Variants in ANKRD44 observed in about 807,000 individuals in gnomAD.
The protein encoded by ANKRD44 is ankyrin repeat domain 44.
ANKRD44 carries 35 observed loss-of-function variants against 116.0 expected under a neutral mutation model. That is an observed-to-expected ratio of 0.30 (90% CI 0.23 to 0.40). The LOEUF (loss-of-function observed/expected upper bound fraction) is 0.40. ANKRD44 is among the 10% of genes least tolerant of loss of function. ANKRD44 has a pLI of 1.00. For synonymous variants in ANKRD44, 435 were observed against 461.8 expected, an observed-to-expected ratio of 0.94 and a Z score of 0.74; for missense variants, 1,014 against 1,242.6, an observed-to-expected ratio of 0.82 and a Z score of 2.77.
intron 2 of ANKRD44, among the ~76,000 whole-genome samples, chr2:197,158,213 A>T (rs1486859517): frequency 6.6e-6 from 1 of 152,194 alleles, no homozygotes; most frequent in African/African-American, 2.4e-5. Context: ...CGACAGCCTA[A>T]AAGCTAATAA....
intron 21 of ANKRD44, among the ~76,000 whole-genome samples, chr2:196,978,334 C>A (rs1352083023): frequency 1.3e-5 from 2 of 152,176 alleles, no homozygotes; most frequent in Non-Finnish European, 2.9e-5. Context: ...TCACCAGAAG[C>A]AGCTGCCAGC....
At chr2:196,981,255 C>T (rs2075799497) in intron 21 of ANKRD44, among the ~76,000 whole-genome samples, 1 of 152,198 alleles carries the variant, frequency 6.6e-6, no homozygotes, top group African/African-American at 2.4e-5. Flanking sequence ...CCATGATCTA[C>T]ATAATCACAT....
chr2:197,257,935 G>A (rs1172211682), intron 1 of ANKRD44, among the ~76,000 whole-genome samples: 2 of 151,816 alleles, frequency 1.3e-5, no homozygotes, highest in Non-Finnish European at 2.9e-5. Flanking sequence ...TCTACTTCCT[G>A]TCTCTCTGAA....
Position 197,007,841 on chromosome 2 carries a change from C to T in ANKRD44, c.2095G>A (p.Val699Ile). The change falls in exon 20 of 28, where the codon GTT becomes ATT. Residue 699 changes from valine (V) to isoleucine (I), a missense_variant. Physicochemically the swap from Val to Ile is conservative, Grantham distance 29. Coordinates refer to ENST00000282272, the MANE Select transcript of ANKRD44 (RefSeq NM_001195144.2). ...LLEKEANVDT[V>I]DILGCTALHR... is the part of the protein sequence containing the mutation. ...AAAGCTGTGCATCCTAGGATGTCAACAGTGTCTACGTTGGCTTCCTTTTCA... is the reference window on the plus strand; with the variant it reads ...AAAGCTGTGCATCCTAGGATGTCAATAGTGTCTACGTTGGCTTCCTTTTCA... The T allele has an allele frequency of 1.2e-6, 2 of 1,613,890 alleles. No individual in the cohort carries two copies. Among genetic ancestry groups the T allele is most frequent in the Non-Finnish European group, 1.7e-6 (2 of 1,179,856 alleles).
chr2:197,291,547 C>A (rs570190567), intron 1 of ANKRD44, among the ~76,000 whole-genome samples: 1 of 151,898 alleles, frequency 6.6e-6, no homozygotes, highest in African/African-American at 2.4e-5. Flanking sequence ...GATAAAAGTG[C>A]GGTAATTTAC....
intron 8 of ANKRD44, among the ~76,000 whole-genome samples, chr2:197,117,771 C>G (rs1045911396): frequency 6.6e-6 from 1 of 152,194 alleles, no homozygotes; most frequent in African/African-American, 2.4e-5. Flanking sequence ...CCTTCAGTCC[C>G]GTTCCCCTGT....
intron 1 of ANKRD44, among the ~76,000 whole-genome samples, chr2:197,290,226 A>C: frequency 6.6e-6 from 1 of 152,186 alleles, no homozygotes; most frequent in East Asian, 1.9e-4. Context: ...AACAGTGTAA[A>C]AGTGTTTCCT....
intron 1 of ANKRD44, among the ~76,000 whole-genome samples, chr2:197,227,324 T>C (rs2081740380): frequency 6.6e-6 from 1 of 152,224 alleles, no homozygotes; most frequent in Non-Finnish European, 1.5e-5. Flanking sequence ...CTTTCAGCAA[T>C]AGCTGGACCG....
At chr2:197,063,012 ACTGCCTCCTCAAGTGGG>A (rs775366539) in intron 16 of ANKRD44, among the ~76,000 whole-genome samples, 3 of 152,208 alleles carry the variant, frequency 2.0e-5, no homozygotes, top group Non-Finnish European at 4.4e-5. Context: ...GAATGGACAG[ACTGCCTCCTCAAGTGGG>A]TCCCTGACCC....
intron 2 of ANKRD44, among the ~76,000 whole-genome samples, chr2:197,166,011 G>C (rs145816613): frequency 1.6e-4 from 25 of 152,272 alleles, no homozygotes; most frequent in African/African-American, 4.1e-4. Flanking sequence ...ACATAACTTT[G>C]TAAGTTCCAA....
At position 197,197,809 on chromosome 2, in the gene ANKRD44, CAAAA is replaced by C. The variant is rs199994103; in HGVS notation, c.28-10707_28-10704del. Among the ~76,000 whole-genome samples, 360 of 114,150 alleles carry C rather than the reference CAAAA, an allele frequency of 3.2e-3. 2 individuals carry two copies. The highest frequency in any genetic ancestry group is 0.012 in the African/African-American group (299 of 25,354). 74.9% of individuals were successfully genotyped at this position (114,150 alleles called of 152,430 possible). ...TGGGTGACAGAGTGAAATCCTGTCTCAAAAAAAAAAAAAAAAAAAAAGAAAGAAA... is the reference window on the plus strand; with the variant it reads ...TGGGTGACAGAGTGAAATCCTGTCTCAAAAAAAAAAAAAAAAAGAAAGAAA... On this transcript the variant is annotated intron_variant, in intron 1 of 27. Transcript: ENST00000282272.
chr2:197,107,019 G>A (rs1318205563), intron 9 of ANKRD44, among the ~76,000 whole-genome samples: 4 of 152,022 alleles, frequency 2.6e-5, no homozygotes, highest in African/African-American at 9.7e-5. Flanking sequence ...TTTGTCATTT[G>A]AAGGTTGCAA....
chr2:197,184,698 T>C (rs1281498037), intron 2 of ANKRD44, among the ~76,000 whole-genome samples: 1 of 151,740 alleles, frequency 6.6e-6, no homozygotes, highest in Non-Finnish European at 1.5e-5. Context: ...CTTTTTCCCT[T>C]TGGGGTGGCA....
At chr2:196,996,346 T>C (rs1278136691) in intron 25 of ANKRD44, among the ~76,000 whole-genome samples, 1 of 152,214 alleles carries the variant, frequency 6.6e-6, no homozygotes, top group African/African-American at 2.4e-5. Flanking sequence ...GTGGTTCCCA[T>C]GGGCTTCCCA....
intron 4 of ANKRD44, chr2:197,135,988 C>A (rs114337214): frequency 0.012 from 1,778 of 153,506 alleles, 12 homozygotes; most frequent in Non-Finnish European, 0.018. Flanking sequence ...ATGCTGCCAC[C>A]ACAAAGGTTC....
At chr2:197,198,903 C>A in intron 1 of ANKRD44, 1 of 152,372 alleles carries the variant, frequency 6.6e-6, no homozygotes, top group Non-Finnish European at 1.5e-5. Context: ...CGATTCTCAC[C>A]AACTTCTTCC....
At chr2:197,076,786 A>G (rs1383560722) in intron 16 of ANKRD44, among the ~76,000 whole-genome samples, 12 of 151,596 alleles carry the variant, frequency 7.9e-5, no homozygotes, top group African/African-American at 2.2e-4. Flanking sequence ...TTTGTTTGCT[A>G]AAGATTATGT....
intron 1 of ANKRD44, among the ~76,000 whole-genome samples, chr2:197,252,223 T>C (rs2082332272): frequency 6.6e-6 from 1 of 152,192 alleles, no homozygotes; most frequent in African/African-American, 2.4e-5. Flanking sequence ...ACAAACACTT[T>C]TGGACTCCAC....
rs771897169 is a variant in ANKRD44, at chr2:197,122,783, T to A, written c.560A>T (p.Asp187Val). 1.2e-6 allele frequency: 2 copies of A among 1,613,520 alleles called. No homozygotes were observed. The highest frequency in any genetic ancestry group is 2.7e-5 in the African/African-American group (2 of 75,034). The change falls in exon 7 of 28, where the codon GAT (aspartate) becomes GTT (valine). Residue 187 changes from aspartate to valine, a missense_variant. Asp to Val is a radical substitution (Grantham distance 152, BLOSUM62 -3). Transcript: ENST00000282272. Reference protein sequence around the residue: ...LHWAAYMGHLDVVALLINHGA... With the variant: ...LHWAAYMGHLVVVALLINHGA... ...ATGGTTAATGAGCAATGCTACAACA[T>A]CCAAGTGGCCTTTACAAACAAAGCA... is the stretch of plus-strand genomic sequence containing the variant.
Sources: gnomAD v4.1 joint callset for allele counts (sites outside exome capture counted in the v4.1 genomes callset) on GRCh38, gnomAD v4.1.1 for gene constraint, MANE v1.5 for transcripts, NCBI Gene and HGNC (gene_info 2026-07-23, HGNC 2026-07-21) for gene names.